EHBP1: variants seen among roughly 807,000 people sequenced by gnomAD.
The protein encoded by EHBP1 is EH domain-binding protein 1.
A neutral mutation model predicts 144.0 loss-of-function variants in EHBP1; 55 were observed. The ratio of observed to expected loss-of-function variants is 0.38; its 90% CI spans 0.31 to 0.48. The LOEUF is 0.48. Among genes scored for constraint, EHBP1 ranks in the 20% least tolerant of loss-of-function variants. The probability of loss-of-function intolerance (pLI) is 0.98; values close to 1 mark genes in which losing one functional copy is unlikely to be tolerated. For missense variants in EHBP1, 1,200 were observed against 1,364.2 expected (o/e 0.88, Z 1.90); for synonymous variants, 469 against 472.7 (o/e 0.99, Z 0.10).
At chr2:62,890,366 C>A (rs1418048332) in intron 10 of EHBP1, among the ~76,000 whole-genome samples, 3 of 152,166 alleles carry the variant, frequency 2.0e-5, no homozygotes, top group Non-Finnish European at 4.4e-5. Context: ...TCTTCCAACC[C>A]ATGAGCATGG....
chr2:62,862,504 G>A (rs1325529249), intron 8 of EHBP1, among the ~76,000 whole-genome samples: 6 of 152,086 alleles, frequency 3.9e-5, no homozygotes, highest in Non-Finnish European at 7.3e-5. Flanking sequence ...CAGCTCCTCA[G>A]GAGGTTGAGG....
chr2:62,851,530 GATA>G (rs1382467330), intron 7 of EHBP1, among the ~76,000 whole-genome samples: 5 of 152,228 alleles, frequency 3.3e-5, no homozygotes, highest in South Asian at 2.1e-4. Context: ...CTATCTCAAT[GATA>G]ATGTTTATCA....
At chr2:62,773,192 C>A (rs2041799799) in intron 5 of EHBP1, among the ~76,000 whole-genome samples, 1 of 152,168 alleles carries the variant, frequency 6.6e-6, no homozygotes, top group Non-Finnish European at 1.5e-5. Context: ...ATATTCTCAC[C>A]TGGAAGATAG....
At chr2:62,684,966 G>T (rs949700616) in intron 1 of EHBP1, among the ~76,000 whole-genome samples, 1 of 152,192 alleles carries the variant, frequency 6.6e-6, no homozygotes, top group Non-Finnish European at 1.5e-5. Context: ...ATCCAACACA[G>T]TTGAACTCAC....
chr2:62,681,890 G>A (rs1187776581), intron 1 of EHBP1, among the ~76,000 whole-genome samples: 2 of 152,168 alleles, frequency 1.3e-5, no homozygotes, highest in Non-Finnish European at 2.9e-5. Context: ...ATTGGAAAGA[G>A]CCATTACAGA....
At chr2:62,914,424 C>G (rs2054452321) in intron 10 of EHBP1, among the ~76,000 whole-genome samples, 1 of 151,986 alleles carries the variant, frequency 6.6e-6, no homozygotes, top group African/African-American at 2.4e-5. Flanking sequence ...TTTAATGTTT[C>G]TAATTTTTTC....
intron 2 of EHBP1, among the ~76,000 whole-genome samples, chr2:62,714,013 A>G (rs561402770): frequency 6.6e-6 from 1 of 152,176 alleles, no homozygotes; most frequent in South Asian, 2.1e-4. Context: ...ATGTCTACAC[A>G]TGACTCAAAA....
chr2:62,794,809 A>G (rs924905265), intron 5 of EHBP1, among the ~76,000 whole-genome samples: 2 of 152,032 alleles, frequency 1.3e-5, no homozygotes, highest in East Asian at 3.9e-4. Flanking sequence ...CTAGTTTCTA[A>G]AAAGGTGGAA....
chr2:62,835,942 C>A (rs1249449784), intron 7 of EHBP1, among the ~76,000 whole-genome samples: 7 of 151,838 alleles, frequency 4.6e-5, no homozygotes, highest in Non-Finnish European at 8.9e-5. Flanking sequence ...CCCAGGCTTG[C>A]TTAGGTAAAC....
chr2:62,899,181 G>C (rs1054831112), intron 10 of EHBP1, among the ~76,000 whole-genome samples: 1 of 152,158 alleles, frequency 6.6e-6, no homozygotes, highest in African/African-American at 2.4e-5. Context: ...TCACAGAGAA[G>C]ATGTTTCATT....
At chr2:63,036,025 T>G (rs745328415) in intron 19 of EHBP1, among the ~76,000 whole-genome samples, 2 of 152,074 alleles carry the variant, frequency 1.3e-5, no homozygotes, top group Non-Finnish European at 2.9e-5. Context: ...CAGCATTGAA[T>G]GAAGGCATAT....
At chr2:62,720,357 G>A (rs72807565) in intron 2 of EHBP1, among the ~76,000 whole-genome samples, 1,719 of 152,128 alleles carry the variant, frequency 0.011, 17 homozygotes, top group Middle Eastern at 0.041. Flanking sequence ...TCTAAAATTA[G>A]CCTTCCTTTA....
intron 10 of EHBP1, among the ~76,000 whole-genome samples, chr2:62,924,428 T>C (rs2055333896): frequency 1.3e-5 from 2 of 151,932 alleles, no homozygotes; most frequent in South Asian, 4.1e-4. Flanking sequence ...AAACAAAAAG[T>C]TGATTTTTTG....
intron 5 of EHBP1, among the ~76,000 whole-genome samples, chr2:62,799,524 G>C (rs550743729): frequency 6.6e-6 from 1 of 152,250 alleles, no homozygotes; most frequent in South Asian, 2.1e-4. Flanking sequence ...ACAATGCTGT[G>C]CCTAAGACAT....
chr2:62,848,928 A>G (rs1485423486), intron 7 of EHBP1, among the ~76,000 whole-genome samples: 10 of 152,310 alleles, frequency 6.6e-5, no homozygotes, highest in Non-Finnish European at 2.9e-5. Flanking sequence ...GGAAAGTAGC[A>G]TGTAAAAATT....
intron 5 of EHBP1, among the ~76,000 whole-genome samples, chr2:62,776,604 C>G (rs1207968586): frequency 6.6e-6 from 1 of 152,170 alleles, no homozygotes; most frequent in Non-Finnish European, 1.5e-5. Context: ...AAAGCAATGA[C>G]AAGGCAACTT....
In EHBP1 at chr2:63,045,221, CCGAGGGGCCGA is replaced by C; in HGVS notation, c.3392+42_3392+52del. On this transcript the variant is annotated intron_variant, in intron 22 of 22. Transcript: ENST00000431489. This position sits in a 1 kb window ranked among gnomAD's most constrained non-coding sequence, Gnocchi z 5.7. ...GGTCGGGTCGAGGCTGGGCCACCTGCCGAGGGGCCGAGAAGTGTGCGGAAAGTTCAATCCAG... is the reference window on the plus strand; with the variant it reads ...GGTCGGGTCGAGGCTGGGCCACCTGCGAAGTGTGCGGAAAGTTCAATCCAG... 6.6e-7 allele frequency: 1 copy of C among 1,521,598 alleles called. No homozygotes were observed. Among genetic ancestry groups the C allele is most frequent in the Non-Finnish European group, 8.9e-7 (1 of 1,118,286 alleles). The allele number at this position is 1,521,598 out of a possible 1,614,324, so 94.3% of individuals were successfully genotyped here.
chr2:62,892,537 T>TA (rs1256707094), intron 10 of EHBP1, among the ~76,000 whole-genome samples: 2 of 152,156 alleles, frequency 1.3e-5, no homozygotes, highest in Non-Finnish European at 2.9e-5. Flanking sequence ...AATGTGCACT[T>TA]ATGATTTTCA....
At chr2:62,955,805 A>G (rs2057665200) in intron 14 of EHBP1, 145 bp downstream of exon 14, 3 of 792,544 alleles carry the variant, frequency 3.8e-6, no homozygotes, top group Non-Finnish European at 5.6e-6. Context: ...ACTGATAAAG[A>G]TAAATTCATA....
Sources: allele counts gnomAD v4.1 joint callset (sites outside exome capture counted in the v4.1 genomes callset), GRCh38; gene constraint gnomAD v4.1.1; non-coding constraint Gnocchi (gnomAD v3.1); transcripts MANE v1.5; gene names NCBI Gene and HGNC (gene_info 2026-07-23, HGNC 2026-07-21).